NCOA6: variants seen among roughly 807,000 people sequenced by gnomAD.
NCOA6 encodes the protein nuclear receptor coactivator 6.
NCOA6 carries 49 observed loss-of-function variants against 171.4 expected under a neutral mutation model. The ratio of observed to expected loss-of-function variants is 0.29; its 90% confidence interval spans 0.23 to 0.36. The LOEUF is 0.36. Ranked by LOEUF, NCOA6 falls within the 10% of genes least tolerant of loss-of-function variation. The pLI is 1.00. For missense variants in NCOA6, 2,248 were observed against 2,554.5 expected, an observed-to-expected ratio of 0.88 and a Z score of 2.59; for synonymous variants, 910 against 927.5, an observed-to-expected ratio of 0.98 and a Z score of 0.34.
At chr20:34,716,369 G>A (rs539287021) in intron 14 of NCOA6, among the ~76,000 whole-genome samples, 4 of 152,348 alleles carry the variant, frequency 2.6e-5, no homozygotes, top group Admixed American at 1.3e-4. Context: ...GTGACATACA[G>A]GGAAATGACT....
At chr20:34,753,639 G>A (rs915800280) in intron 8 of NCOA6, among the ~76,000 whole-genome samples, 5 of 151,734 alleles carry the variant, frequency 3.3e-5, no homozygotes, top group Admixed American at 6.6e-5. Flanking sequence ...CAGCTTGAGC[G>A]ACGGAGCAAG....
intron 1 of NCOA6, among the ~76,000 whole-genome samples, chr20:34,824,750 G>C (rs1449815668): frequency 6.6e-6 from 1 of 152,172 alleles, no homozygotes; most frequent in African/African-American, 2.4e-5. Context: ...TCCCCCAAGA[G>C]GGGGTGGAGG....
chr20:34,762,687 T>C (rs752407198), intron 5 of NCOA6, among the ~76,000 whole-genome samples: 10 of 152,182 alleles, frequency 6.6e-5, no homozygotes, highest in African/African-American at 9.7e-5. Context: ...AGTCAATGCT[T>C]ATTTAGATTT....
At chr20:34,766,071 A>G (rs550393340) in intron 5 of NCOA6, among the ~76,000 whole-genome samples, 2 of 152,212 alleles carry the variant, frequency 1.3e-5, no homozygotes, top group Non-Finnish European at 2.9e-5. Flanking sequence ...TTAACCTAAT[A>G]TTAAACTTTG....
intron 4 of NCOA6, among the ~76,000 whole-genome samples, chr20:34,773,601 G>A (rs1355578160): frequency 1.3e-5 from 2 of 151,846 alleles, no homozygotes; most frequent in South Asian, 2.1e-4. Flanking sequence ...TCGGCTCACC[G>A]CAACCTCCAC....
intron 3 of NCOA6, among the ~76,000 whole-genome samples, chr20:34,778,982 A>AGAC (rs965291103): frequency 2.2e-5 from 1 of 45,186 alleles, no homozygotes; most frequent in African/African-American, 7.0e-5. Context: ...AAAAAAAAAA[A>AGAC]AAGACAAGAC....
chr20:34,737,768 T>G (rs146331688), intron 11 of NCOA6, among the ~76,000 whole-genome samples: 256 of 152,370 alleles, frequency 1.7e-3, no homozygotes, highest in African/African-American at 5.4e-3. Flanking sequence ...ATTTTGTATA[T>G]TTCCCTCCCT....
Position 34,757,917 on chromosome 20 carries a change from T to TTGC in NCOA6, c.828_830dup (p.Gln285dup), listed in dbSNP as rs752981889. 1.1e-3 allele frequency: 1,764 copies of TTGC among 1,612,856 alleles called. 5 individuals are homozygous for TTGC. The African/African-American group carries it at 0.011, about 10-fold the overall frequency. On this transcript the variant is annotated inframe_insertion, in exon 7 of 15. Transcript: ENST00000359003. ...ACTGTTGTTGCTGCTGTTGCTGTTG[T>TTGC]TGCTGCTGCTGCTGCTGCTGCTGCT...
intron 2 of NCOA6, among the ~76,000 whole-genome samples, chr20:34,786,876 A>G (rs1226219769): frequency 9.9e-5 from 15 of 152,188 alleles, no homozygotes; most frequent in Non-Finnish European, 2.1e-4. Context: ...AAAACTTCAG[A>G]AGAAAATCTA....
intron 3 of NCOA6, among the ~76,000 whole-genome samples, chr20:34,781,098 A>C (rs558553032): frequency 6.6e-6 from 1 of 152,250 alleles, no homozygotes; most frequent in Non-Finnish European, 1.5e-5. Context: ...TTATGGTTAC[A>C]ATGATGTTGA....
chr20:34,777,840 T>C (rs1317735243), intron 3 of NCOA6, among the ~76,000 whole-genome samples: 1 of 152,170 alleles, frequency 6.6e-6, no homozygotes, highest in Admixed American at 6.6e-5. Context: ...AGCTAAGATA[T>C]GGAAGCAACC....
Position 34,749,945 on chromosome 20 carries a change from G to A in NCOA6, c.2250C>T (p.Asn750=), listed in dbSNP as rs368251174. 3.7e-6 allele frequency: 6 copies of A among 1,614,122 alleles called. No homozygotes were observed. In the African/African-American group the frequency reaches 6.7e-5, roughly 18 times the overall value. Residue 750 remains asparagine, a synonymous_variant, in exon 9 of 15, where the codon AAC becomes AAT. Transcript: ENST00000359003. The part of the protein sequence containing the change: ...PAQIMRGPTP[N]MQGNMVQFTG... ...TAAACTGCACCATATTTCCTTGCAT[G>A]TTTGGAGTTGGTCCCCTCATTATCT...
chr20:34,759,948 A>C (rs754516867), intron 5 of NCOA6, among the ~76,000 whole-genome samples: 40 of 152,304 alleles, frequency 2.6e-4, no homozygotes, highest in Non-Finnish European at 4.7e-4. Context: ...AATTTCTGAT[A>C]CTGCTAAACT....
intron 12 of NCOA6, among the ~76,000 whole-genome samples, chr20:34,734,078 T>C (rs1353552761): frequency 6.6e-6 from 1 of 152,068 alleles, no homozygotes; most frequent in Admixed American, 6.6e-5. Flanking sequence ...ACCCTCATTG[T>C]TTTTTATTTT....
intron 12 of NCOA6, among the ~76,000 whole-genome samples, chr20:34,735,381 C>T (rs1427395691): frequency 6.6e-6 from 1 of 152,134 alleles, no homozygotes; most frequent in Non-Finnish European, 1.5e-5. Context: ...AGTAGTGGCT[C>T]ATGCCTGTAA....
intron 1 of NCOA6, chr20:34,820,148 G>A (rs1412269593): frequency 6.6e-6 from 1 of 152,230 alleles, no homozygotes; most frequent in African/African-American, 2.4e-5. Flanking sequence ...TGTAATCCCA[G>A]CACTTTGTGG....
intron 1 of NCOA6, among the ~76,000 whole-genome samples, chr20:34,798,644 T>C (rs2078160666): frequency 6.6e-6 from 1 of 152,116 alleles, no homozygotes; most frequent in Non-Finnish European, 1.5e-5. Flanking sequence ...TTCCAGTTGT[T>C]TGGGAGAGAG....
chr20:34,720,018 C>G (rs890736727), intron 14 of NCOA6, among the ~76,000 whole-genome samples: 1 of 152,058 alleles, frequency 6.6e-6, no homozygotes, highest in Non-Finnish European at 1.5e-5. Flanking sequence ...AGAGGGACAC[C>G]CAGGGCTGCT....
Position 34,740,511 on chromosome 20 carries a change from G to A in NCOA6, c.5745C>T (p.Arg1915=). The change falls in exon 11 of 15, where the codon CGC becomes CGT. Residue 1915 remains arginine (R), a synonymous_variant. Coordinates refer to ENST00000359003, the MANE Select transcript of NCOA6 (RefSeq NM_014071.5). ...LPGGALPTSV[R]SIVTTLVPSE... ...AGGGTACCAGAGTGGTTACTATCGA[G>A]CGTACACTGGTGGGGAGAGCACCGC... 3 of 1,614,194 alleles carry A rather than the reference G, an allele frequency of 1.9e-6. No individual in the cohort carries two copies. The highest frequency in any genetic ancestry group is 1.3e-5 in the African/African-American group (1 of 75,044).
Sources: allele counts gnomAD v4.1 joint callset (sites outside exome capture counted in the v4.1 genomes callset), GRCh38; gene constraint gnomAD v4.1.1; transcripts MANE v1.5; gene names NCBI Gene and HGNC (gene_info 2026-07-23, HGNC 2026-07-21).